The following FETUB variants were observed in gnomAD, a reference collection of about 807,000 sequenced individuals.
FETUB encodes the protein fetuin B.
Under a neutral mutation model 30.9 loss-of-function variants are expected in FETUB, and 28 were observed. That is an observed-to-expected ratio of 0.90 (90% confidence interval 0.67 to 1.24). The LOEUF is 1.24. FETUB is among the 50% of genes most tolerant of loss of function. The pLI, the probability that FETUB is intolerant of heterozygous loss-of-function variation, is 0.00. For missense variants in FETUB, 469 were observed against 455.3 expected (o/e 1.03, Z -0.27); for synonymous variants, 186 against 175.9 (o/e 1.06, Z -0.45).
At chr3:186,646,010 C>A (rs186284146) in intron 4 of FETUB, among the ~76,000 whole-genome samples, 1 of 152,320 alleles carries the variant, frequency 6.6e-6, no homozygotes, top group East Asian at 1.9e-4. Context: ...CAGGCGTAAG[C>A]CACCGTGCCC....
rs376615504 is a variant in FETUB, at chr3:186,645,778, GT to G, written c.595-469del. 8.7e-4 allele frequency among the ~76,000 whole-genome samples: 113 copies of G among 129,324 alleles called. 1 individual carries two copies. The highest frequency in any genetic ancestry group is 3.2e-3 in the African/African-American group (105 of 32,968). The allele number at this position is 129,324 out of a possible 152,430, so 84.8% of individuals were successfully genotyped here. On this transcript the variant is annotated intron_variant, in intron 4 of 6. Transcript: ENST00000265029. ...AGTCTCACTCTATCGCTAGGATAGAGTGCTGTGGCGCGATCTTGGCTCACTG... is the reference window on the plus strand; with the variant it reads ...AGTCTCACTCTATCGCTAGGATAGAGGCTGTGGCGCGATCTTGGCTCACTG...
At chr3:186,646,175 C>A in intron 4 of FETUB, 73 bp from the exon 5 acceptor site, 1 of 1,038,696 alleles carries the variant, frequency 9.6e-7, no homozygotes, top group Non-Finnish European at 1.5e-6. Context: ...GTAGATATAA[C>A]GCTGCCAAAC....
intron 6 of FETUB, 82 bp from the exon 7 acceptor site, chr3:186,652,181 G>A: frequency 6.9e-7 from 1 of 1,445,214 alleles, no homozygotes; most frequent in Non-Finnish European, 9.2e-7. Flanking sequence ...CCAACAGAAA[G>A]GCACAGATCA....
At chr3:186,645,002 C>A in intron 4 of FETUB, 82 bp downstream of exon 4, 2 of 1,154,638 alleles carry the variant, frequency 1.7e-6, no homozygotes, top group Non-Finnish European at 2.4e-6. Flanking sequence ...AGGAAAATGT[C>A]AAGGCACTCA....
At chr3:186,647,090 T>C (rs1353710854) in intron 5 of FETUB, 1 of 152,256 alleles carries the variant, frequency 6.6e-6, no homozygotes, top group East Asian at 1.9e-4. Flanking sequence ...TTCATATAAA[T>C]AGAATCATAC....
chr3:186,643,325 A>G (rs1376697355), intron 3 of FETUB, among the ~76,000 whole-genome samples: 1 of 152,150 alleles, frequency 6.6e-6, no homozygotes, highest in African/African-American at 2.4e-5. Flanking sequence ...ACATGCATTC[A>G]TTTGGGACCT....
Position 186,652,569 on chromosome 3 carries a change from G to C in FETUB, c.1087G>C (p.Ala363Pro), listed in dbSNP as rs1170972360. 1.9e-6 allele frequency: 3 copies of C among 1,613,830 alleles called. No individual in the cohort carries two copies. Among genetic ancestry groups the C allele is most frequent in the Non-Finnish European group, 2.5e-6 (3 of 1,179,980 alleles). Residue 363 changes from alanine to proline, a missense_variant, in exon 7 of 7, where the codon GCA (alanine) becomes CCA (proline). Coordinates refer to ENST00000265029, the MANE Select transcript of FETUB (RefSeq NM_014375.3). The part of the protein sequence containing the change: ...LVVLPFPKEK[A>P]RTAECPGPAQ... ...GGTCCTGCCTTTCCCCAAAGAAAAA[G>C]CACGCACTGCTGAGTGCCCAGGGCC...
At chr3:186,642,633 T>A (rs1717166760) in intron 3 of FETUB, 75 bp downstream of exon 3, 2 of 846,980 alleles carry the variant, frequency 2.4e-6, no homozygotes, top group African/African-American at 3.4e-5. Flanking sequence ...TTGCCAAGAA[T>A]GTATAGGGTA....
At chr3:186,640,759 C>A in intron 1 of FETUB, 74 bp downstream of exon 1, 1 of 1,212,212 alleles carries the variant, frequency 8.2e-7, no homozygotes, top group Non-Finnish European at 1.2e-6. Context: ...TGAGGGAACC[C>A]AGAGACACCC....
chr3:186,641,160 A>T lies in FETUB; in HGVS notation c.336+20A>T, dbSNP rs1206049004. The T allele has an allele frequency of 6.7e-7, 1 of 1,495,546 alleles. No homozygotes were observed. Among genetic ancestry groups the T allele is most frequent in the Non-Finnish European group, 9.3e-7 (1 of 1,076,292 alleles). 92.6% of individuals were successfully genotyped at this position (1,495,546 alleles called of 1,614,324 possible). Reference sequence around the variant, plus strand: ...GAATCAGTGAGTGCTTGTTTTTATAAACCATTAAGGGCCCTAGGGAAAGCA... The same window carrying T: ...GAATCAGTGAGTGCTTGTTTTTATATACCATTAAGGGCCCTAGGGAAAGCA... On this transcript the variant is annotated intron_variant, in intron 2 of 6. Coordinates refer to ENST00000265029, the MANE Select transcript of FETUB (RefSeq NM_014375.3).
Position 186,642,494 on chromosome 3 carries a change from A to G in FETUB, c.360A>G (p.Ile120Met). 3 of 1,608,460 alleles carry G rather than the reference A, an allele frequency of 1.9e-6. No homozygotes were observed. The highest frequency in any genetic ancestry group is 2.6e-6 in the Non-Finnish European group (3 of 1,175,294). ...AGGTTTATGGTCAATGCAAAGCAAT[A>G]TTTTATATGAACAACCCAAGTAGAG... ...FESVYGQCKA[I>M]FYMNNPSRVL... Residue 120 changes from isoleucine (I) to methionine (M), a missense_variant, in exon 3 of 7, where the codon ATA (isoleucine) becomes ATG (methionine). Ile to Met is a conservative substitution (Grantham distance 10, BLOSUM62 1). Coordinates refer to ENST00000265029, the MANE Select transcript of FETUB (RefSeq NM_014375.3).
upstream of FETUB, among the ~76,000 whole-genome samples, chr3:186,637,131 A>AC (rs138477916): frequency 1.6e-3 from 243 of 152,348 alleles, no homozygotes; most frequent in African/African-American, 5.6e-3. Flanking sequence ...TCATGGGCTT[A>AC]CATGAGAGAA....
At chr3:186,644,676 T>G in intron 3 of FETUB, 75 bp from the exon 4 acceptor site, 1 of 1,209,608 alleles carries the variant, frequency 8.3e-7, no homozygotes. Flanking sequence ...CCTCACCCCA[T>G]CCTTGCCTCT....
intron 3 of FETUB, among the ~76,000 whole-genome samples, chr3:186,642,912 T>C (rs777821122): frequency 6.6e-6 from 1 of 152,238 alleles, no homozygotes; most frequent in Non-Finnish European, 1.5e-5. Flanking sequence ...TTCTACTGGA[T>C]GCCACCCTGT....
intron 5 of FETUB, among the ~76,000 whole-genome samples, chr3:186,648,689 G>A (rs940739058): frequency 6.6e-6 from 1 of 152,094 alleles, no homozygotes; most frequent in African/African-American, 2.4e-5. Flanking sequence ...AAGTTTTGTA[G>A]TTTTCAGTGT....
chr3:186,651,249 G>A lies in FETUB; in HGVS notation c.728G>A (p.Arg243Gln), dbSNP rs143617617. Residue 243 changes from arginine (R) to glutamine (Q), a missense_variant, in exon 6 of 7, where the codon CGA becomes CAA. Physicochemically the swap from Arg to Gln is conservative, Grantham distance 43. Transcript: ENST00000265029. ...PVGLCKGSLT[R>Q]THWEKFVSVT... is the part of the protein sequence containing the mutation. ...GGTCTTTGCAAAGGTTCTCTGACTC[G>A]AACACACTGGGAAAAGTTTGTCTCT... The A allele has an allele frequency of 1.6e-3, 2,632 of 1,613,562 alleles. 38 individuals carry two copies. In the African/African-American group the frequency reaches 0.031, roughly 19 times the overall value.
chr3:186,640,449 G>A lies in FETUB; in HGVS notation c.-12G>A. Reference sequence around the variant, plus strand: ...CACAAACTGACCCATCCTGGGCCTTGTTCTCCACAGAATGGGTCTGCTCCT... The same window carrying A: ...CACAAACTGACCCATCCTGGGCCTTATTCTCCACAGAATGGGTCTGCTCCT... On this transcript the variant is annotated 5_prime_UTR_variant, in exon 1 of 7. Transcript: ENST00000265029. 2 of 1,610,274 alleles carry A rather than the reference G, an allele frequency of 1.2e-6. No individual in the cohort carries two copies. The highest frequency in any genetic ancestry group is 1.7e-5 in the Admixed American group (1 of 60,018).
At chr3:186,652,127 C>A in intron 6 of FETUB, 136 bp from the exon 7 acceptor site, 1 of 963,418 alleles carries the variant, frequency 1.0e-6, no homozygotes, top group Non-Finnish European at 1.5e-6. Flanking sequence ...TTAACCCTTT[C>A]ACCAGGAGGC....
At chr3:186,647,069 A>G (rs955637004) in intron 5 of FETUB, 3 of 152,174 alleles carry the variant, frequency 2.0e-5, no homozygotes, top group African/African-American at 7.2e-5. Flanking sequence ...GGCTTTGCCT[A>G]TTCTGGACAT....
Sources: allele counts gnomAD v4.1 joint callset (sites outside exome capture counted in the v4.1 genomes callset), GRCh38; gene constraint gnomAD v4.1.1; transcripts MANE v1.5; gene names NCBI Gene and HGNC (gene_info 2026-07-23, HGNC 2026-07-21).